Variants in CNTN4 observed in about 807,000 individuals in gnomAD.
The protein encoded by CNTN4 is contactin 4.
A neutral mutation model predicts 122.5 loss-of-function variants in CNTN4; 77 were observed. The observed-to-expected ratio is 0.63, with a 90% CI of 0.52 to 0.76. CNTN4 has a LOEUF of 0.76. Among genes scored for constraint, CNTN4 ranks in the 30% least tolerant of loss-of-function variants. CNTN4 has a pLI of 0.00. For synonymous variants in CNTN4, 512 were observed against 447.0 expected (o/e 1.15, Z -1.83); for missense variants, 1,256 against 1,259.1 (o/e 1.00, Z 0.04).
At chr3:2,259,675 C>G (rs1329398773) in intron 2 of CNTN4, among the ~76,000 whole-genome samples, 1 of 152,140 alleles carries the variant, frequency 6.6e-6, no homozygotes, top group Admixed American at 6.6e-5. Flanking sequence ...GTATTCACAA[C>G]CACGAGAACA....
intron 3 of CNTN4, among the ~76,000 whole-genome samples, chr3:2,423,415 C>A (rs1267039611): frequency 6.6e-6 from 1 of 151,794 alleles, no homozygotes. Flanking sequence ...TCATGCTCAT[C>A]CAGACACACT....
intron 12 of CNTN4, among the ~76,000 whole-genome samples, chr3:2,916,041 G>GTTTCC (rs1483579991): frequency 6.6e-6 from 1 of 152,152 alleles, no homozygotes; most frequent in Non-Finnish European, 1.5e-5. Context: ...AGGAAATGGG[G>GTTTCC]AGTTGGGTAA....
chr3:2,191,450 G>C (rs1189718714), intron 2 of CNTN4, among the ~76,000 whole-genome samples: 2 of 152,112 alleles, frequency 1.3e-5, no homozygotes, highest in African/African-American at 4.8e-5. Flanking sequence ...GCCATTCTTA[G>C]TAATTGTCCT....
intron 12 of CNTN4, among the ~76,000 whole-genome samples, chr3:2,917,873 T>C (rs2094386274): frequency 6.6e-6 from 1 of 151,736 alleles, no homozygotes; most frequent in Admixed American, 6.6e-5. Context: ...GAGTGCAACA[T>C]GACCCAACAA....
intron 2 of CNTN4, among the ~76,000 whole-genome samples, chr3:2,234,370 CAAA>C (rs72401999): frequency 0.035 from 3,357 of 94,672 alleles, 143 homozygotes; most frequent in African/African-American, 0.12. Context: ...AAGTCCATCT[CAAA>C]AAAAAAAAAA....
At chr3:3,043,264 G>A in intron 22 of CNTN4, 101 bp downstream of exon 22, 2 of 1,134,416 alleles carry the variant, frequency 1.8e-6, no homozygotes, top group Non-Finnish European at 2.6e-6. Context: ...ATACTAATTA[G>A]TAGCATGTGG....
At chr3:2,777,905 A>G (rs2149819971) in intron 6 of CNTN4, among the ~76,000 whole-genome samples, 1 of 152,272 alleles carries the variant, frequency 6.6e-6, no homozygotes, top group South Asian at 2.1e-4. Context: ...CTCAGTAGAC[A>G]GTACCTTCCT....
intron 6 of CNTN4, among the ~76,000 whole-genome samples, chr3:2,813,768 A>T (rs1431124407): frequency 1.3e-5 from 2 of 152,164 alleles, no homozygotes; most frequent in African/African-American, 4.8e-5. Context: ...TTATGGTAAG[A>T]TACTTCTTCC....
At chr3:2,777,149 A>G (rs548232026) in intron 6 of CNTN4, among the ~76,000 whole-genome samples, 29 of 152,234 alleles carry the variant, frequency 1.9e-4, no homozygotes, top group African/African-American at 6.5e-4. Flanking sequence ...CCCAGCTAAC[A>G]TCTTTGAATT....
chr3:2,377,280 G>A (rs553085451), intron 3 of CNTN4, among the ~76,000 whole-genome samples: 4 of 152,266 alleles, frequency 2.6e-5, no homozygotes, highest in Admixed American at 2.0e-4. Flanking sequence ...TCCCTAATAG[G>A]AAGGAAGCAA....
chr3:2,278,699 C>A (rs1054375711), intron 2 of CNTN4, among the ~76,000 whole-genome samples: 2 of 152,084 alleles, frequency 1.3e-5, no homozygotes, highest in Admixed American at 6.6e-5. Flanking sequence ...AATTGCAAGA[C>A]CCCTGTGCCT....
At chr3:2,488,091 C>T (rs1274982145) in intron 3 of CNTN4, among the ~76,000 whole-genome samples, 1 of 152,202 alleles carries the variant, frequency 6.6e-6, no homozygotes, top group Non-Finnish European at 1.5e-5. Flanking sequence ...CCCTAATACA[C>T]ATTTACTTCC....
intron 2 of CNTN4, among the ~76,000 whole-genome samples, chr3:2,176,040 T>A (rs968698726): frequency 1.3e-5 from 2 of 152,214 alleles, no homozygotes; most frequent in Non-Finnish European, 2.9e-5. Context: ...CATCATTTTG[T>A]AATCTCTTTG....
intron 4 of CNTN4, among the ~76,000 whole-genome samples, chr3:2,701,310 G>A (rs2086344236): frequency 6.6e-6 from 1 of 152,134 alleles, no homozygotes; most frequent in African/African-American, 2.4e-5. Context: ...TCTTGGTCCT[G>A]GAAATGAGAA....
chr3:2,244,799 G>T (rs2040078885), intron 2 of CNTN4, among the ~76,000 whole-genome samples: 1 of 151,702 alleles, frequency 6.6e-6, no homozygotes, highest in African/African-American at 2.4e-5. Context: ...GGGTAAGTCA[G>T]CCAAGCATGG....
intron 3 of CNTN4, among the ~76,000 whole-genome samples, chr3:2,533,289 C>T (rs1444153024): frequency 2.6e-5 from 4 of 151,962 alleles, no homozygotes; most frequent in Non-Finnish European, 5.9e-5. Context: ...CCCCCTCCCT[C>T]CACCCCACAA....
chr3:2,403,830 G>A (rs2046939906), intron 3 of CNTN4, among the ~76,000 whole-genome samples: 2 of 152,250 alleles, frequency 1.3e-5, no homozygotes, highest in African/African-American at 4.8e-5. Flanking sequence ...AATACAGCCT[G>A]AATTAGATTT....
intron 3 of CNTN4, among the ~76,000 whole-genome samples, chr3:2,455,013 A>G (rs1237929697): frequency 6.6e-6 from 1 of 152,004 alleles, no homozygotes. Flanking sequence ...ACTAAATACC[A>G]GGCATACTTC....
At chr3:2,285,623 C>T (rs1254202967) in intron 2 of CNTN4, among the ~76,000 whole-genome samples, 1 of 152,020 alleles carries the variant, frequency 6.6e-6, no homozygotes, top group Non-Finnish European at 1.5e-5. Context: ...CCTTATTTTT[C>T]AGTGTATGTT....
Sources: allele counts gnomAD v4.1 joint callset (sites outside exome capture counted in the v4.1 genomes callset), GRCh38; gene constraint gnomAD v4.1.1; transcripts MANE v1.5; gene names NCBI Gene and HGNC (gene_info 2026-07-23, HGNC 2026-07-21).